ARHGEF10L: variants seen among roughly 807,000 people sequenced by gnomAD.
ARHGEF10L encodes the protein Rho guanine nucleotide exchange factor 10 like.
ARHGEF10L carries 69 observed loss-of-function variants against 141.2 expected under a neutral mutation model. The ratio of observed to expected loss-of-function variants is 0.49; its 90% CI spans 0.40 to 0.60. ARHGEF10L has a LOEUF of 0.60. Among genes scored for constraint, ARHGEF10L ranks in the 20% least tolerant of loss-of-function variants. The probability of loss-of-function intolerance (pLI) is 0.00; values close to 1 mark genes in which losing one functional copy is unlikely to be tolerated. For synonymous variants in ARHGEF10L, 711 were observed against 718.5 expected (o/e 0.99, Z 0.17); for missense variants, 1,482 against 1,734.3 (o/e 0.85, Z 2.58).
At chr1:17,678,262 T>C (rs1450361172) in intron 26 of ARHGEF10L, among the ~76,000 whole-genome samples, 1 of 152,106 alleles carries the variant, frequency 6.6e-6, no homozygotes, top group Non-Finnish European at 1.5e-5. Context: ...AAAGTGTCGA[T>C]GCTGGAGAAG....
intron 7 of ARHGEF10L, among the ~76,000 whole-genome samples, chr1:17,611,334 C>T (rs1164896439): frequency 6.6e-6 from 1 of 152,186 alleles, no homozygotes; most frequent in Non-Finnish European, 1.5e-5. Flanking sequence ...TGCATGCATA[C>T]TTCTTTGCAT....
rs2060871556 is a variant in ARHGEF10L, at chr1:17,634,331, T to C, written c.1731-217T>C. 4.2e-6 allele frequency: 3 copies of C among 722,350 alleles called. No homozygotes were observed. In the South Asian group the frequency reaches 5.1e-5, roughly 12 times the overall value. The allele number at this position is 722,350 out of a possible 1,614,324, so 44.7% of individuals were successfully genotyped here. ...ATCAGTGTCCTTGTCTGGGATCATC[T>C]AAGCTTCCTAGCGGGGCTGTTGTGA... On this transcript the variant is annotated intron_variant, in intron 16 of 28. Coordinates refer to ENST00000361221, the MANE Select transcript of ARHGEF10L (RefSeq NM_018125.4).
chr1:17,522,326 G>A, the ARHGEF10L span, among the ~76,000 whole-genome samples: 5 of 152,340 alleles, frequency 3.3e-5, no homozygotes, highest in South Asian at 2.1e-4. Flanking sequence ...GCCAGCCAAC[G>A]CCGTCCTGAA....
In ARHGEF10L at chr1:17,676,505, G is replaced by A. The variant is rs542270795; in HGVS notation, c.3010-11068G>A. Among the ~76,000 whole-genome samples the A allele has an allele frequency of 5.3e-5, 8 of 152,084 alleles. No individual in the cohort carries two copies. In the South Asian group the frequency reaches 1.4e-3, roughly 28 times the overall value. On this transcript the variant is annotated intron_variant, in intron 26 of 28. Coordinates refer to ENST00000361221, the MANE Select transcript of ARHGEF10L (RefSeq NM_018125.4). Reference sequence around the variant, plus strand: ...TCTGGATTCCACCATTCAATATCATGCAGGCGAGGCCTGCAGGCTCCATGT... The same window carrying A: ...TCTGGATTCCACCATTCAATATCATACAGGCGAGGCCTGCAGGCTCCATGT...
At chr1:17,668,834 A>G (rs2102240929) in intron 26 of ARHGEF10L, among the ~76,000 whole-genome samples, 1 of 152,334 alleles carries the variant, frequency 6.6e-6, no homozygotes, top group South Asian at 2.1e-4. Flanking sequence ...GCTGCTTGGA[A>G]TACAGGGGAA....
At chr1:17,632,220 C>G in intron 15 of ARHGEF10L, 101 bp from the exon 16 acceptor site, 3 of 1,478,990 alleles carry the variant, frequency 2.0e-6, no homozygotes, top group Non-Finnish European at 2.8e-6. Flanking sequence ...CTCTCCCAGC[C>G]TCAGTCTCCC....
At chr1:17,653,261 C>CT (rs984525132) in intron 22 of ARHGEF10L, among the ~76,000 whole-genome samples, 31 of 152,236 alleles carry the variant, frequency 2.0e-4, no homozygotes, top group Non-Finnish European at 4.0e-4. Flanking sequence ...CCTAAAGCTG[C>CT]TTCCCTTCAC....
chr1:17,602,656 C>T (rs750182485), intron 5 of ARHGEF10L, among the ~76,000 whole-genome samples: 8 of 152,166 alleles, frequency 5.3e-5, no homozygotes, highest in Non-Finnish European at 8.8e-5. Context: ...CCCTGACTCC[C>T]GGGAAGCAGC....
In ARHGEF10L at chr1:17,602,123, G is replaced by A. The variant is rs373825861; in HGVS notation, c.258-4G>A. On this transcript the variant is annotated splice_region_variant and splice_polypyrimidine_tract_variant and intron_variant, in intron 4 of 28. Transcript: ENST00000361221. ...ACCTCTGCAGTGCCATCTCTTGCCC[G>A]CAGGGTGCCAGCCTGGGTGAGCAAT... is the stretch of plus-strand genomic sequence containing the variant. 13 of 1,559,488 alleles carry A rather than the reference G, an allele frequency of 8.3e-6. No homozygotes were observed. Among genetic ancestry groups the A allele is most frequent in the Admixed American group, 5.7e-5 (3 of 52,808 alleles).
At chr1:17,684,701 C>T (rs1230332766) in intron 26 of ARHGEF10L, among the ~76,000 whole-genome samples, 1 of 152,184 alleles carries the variant, frequency 6.6e-6, no homozygotes, top group East Asian at 1.9e-4. Flanking sequence ...CTTTGGTGAA[C>T]TTTCGGTCTG....
intron 17 of ARHGEF10L, 21 bp downstream of exon 17, chr1:17,634,583 C>T (rs371800958): frequency 1.2e-4 from 186 of 1,613,128 alleles, no homozygotes; most frequent in Middle Eastern, 3.3e-4. Context: ...CAGGGGGCTC[C>T]GGGGCTCTGG....
chr1:17,598,025 C>T (rs2080282341), intron 4 of ARHGEF10L, among the ~76,000 whole-genome samples: 1 of 152,130 alleles, frequency 6.6e-6, no homozygotes, highest in African/African-American at 2.4e-5. Flanking sequence ...GTTACGCTTT[C>T]TCTTGGACAG....
At chr1:17,687,480 A>G (rs1399667715) in intron 26 of ARHGEF10L, 93 bp from the exon 27 acceptor site, 2 of 1,411,600 alleles carry the variant, frequency 1.4e-6, no homozygotes, top group Admixed American at 3.9e-5. Context: ...GCTTTTGAAG[A>G]ATGTGAGAAT....
chr1:17,600,974 C>T (rs1171293545), intron 4 of ARHGEF10L, among the ~76,000 whole-genome samples: 4 of 146,292 alleles, frequency 2.7e-5, no homozygotes, highest in Non-Finnish European at 4.5e-5. Context: ...TGCTTGAACC[C>T]GGGAGGCAGA....
intron 26 of ARHGEF10L, among the ~76,000 whole-genome samples, chr1:17,681,417 G>T (rs555690443): frequency 2.0e-5 from 3 of 152,238 alleles, no homozygotes; most frequent in Non-Finnish European, 4.4e-5. Flanking sequence ...TGCCATCCAG[G>T]ATCCAGCCTG....
chr1:17,588,180 A>C (rs1440883032), intron 3 of ARHGEF10L, among the ~76,000 whole-genome samples: 2 of 146,150 alleles, frequency 1.4e-5, no homozygotes, highest in Non-Finnish European at 3.0e-5. Context: ...GGTGGAGGGC[A>C]GGCCCAGAGC....
Position 17,646,956 on chromosome 1 carries a change from G to A in ARHGEF10L, c.2273-1598G>A, listed in dbSNP as rs534706459. 4.5e-4 allele frequency among the ~76,000 whole-genome samples: 69 copies of A among 152,046 alleles called. 1 individual carries two copies. Among genetic ancestry groups the A allele is most frequent in the Non-Finnish European group, 5.6e-4 (38 of 67,980 alleles). The stretch of plus-strand genomic sequence containing the variant: ...TGATGTTTCCAAGCAGGGGAACGGC[G>A]AGGCCAGGTGTAAGTTTTAGCAGGA... On this transcript the variant is annotated intron_variant, in intron 21 of 28. Coordinates refer to ENST00000361221, the MANE Select transcript of ARHGEF10L (RefSeq NM_018125.4).
In ARHGEF10L at chr1:17,587,659, G is replaced by A. The variant is rs1276926863; in HGVS notation, c.223+14G>A. The A allele has an allele frequency of 1.1e-5, 17 of 1,598,996 alleles. No homozygotes were observed. The highest frequency in any genetic ancestry group is 1.4e-5 in the Non-Finnish European group (16 of 1,171,498). ...TCCCTGTCACTGGTAAGATGTTTCT[G>A]GGAACTTCCGGTCCTGGGGCTACAG... On this transcript the variant is annotated intron_variant, in intron 3 of 28. Transcript: ENST00000361221.
rs754694555 is a variant in ARHGEF10L, at chr1:17,634,578, G to A, written c.1745+16G>A. On this transcript the variant is annotated intron_variant, in intron 17 of 28. Coordinates refer to ENST00000361221, the MANE Select transcript of ARHGEF10L (RefSeq NM_018125.4). ...CCAACCACAGGTACGTGGTTCAGGG[G>A]GCTCCGGGGCTCTGGGGCTCTGGGG... is the stretch of plus-strand genomic sequence containing the variant. The A allele has an allele frequency of 6.2e-7, 1 of 1,613,562 alleles. No homozygotes were observed. Among genetic ancestry groups the A allele is most frequent in the Non-Finnish European group, 8.5e-7 (1 of 1,179,740 alleles).
Sources: gnomAD v4.1 joint callset for allele counts (sites outside exome capture counted in the v4.1 genomes callset) on GRCh38, gnomAD v4.1.1 for gene constraint, MANE v1.5 for transcripts, NCBI Gene and HGNC (gene_info 2026-07-23, HGNC 2026-07-21) for gene names.